The following SYT14 variants were observed in gnomAD, a reference collection of about 807,000 sequenced individuals.
The protein encoded by SYT14 is synaptotagmin-14.
In SYT14, 32 loss-of-function variants were observed where a neutral mutation model predicts 74.2. The ratio of observed to expected loss-of-function variants is 0.43; its 90% CI spans 0.33 to 0.58. SYT14 has a LOEUF of 0.58. Among genes scored for constraint, SYT14 ranks in the 20% least tolerant of loss-of-function variants. The probability of loss-of-function intolerance (pLI) is 0.05; values close to 1 mark genes in which losing one functional copy is unlikely to be tolerated. For synonymous variants in SYT14, 298 were observed against 337.7 expected (o/e 0.88, Z 1.29); for missense variants, 791 against 981.8 (o/e 0.81, Z 2.60).
intron 2 of SYT14, among the ~76,000 whole-genome samples, chr1:209,977,601 G>C (rs932687347): frequency 6.6e-6 from 1 of 152,154 alleles, no homozygotes; most frequent in Admixed American, 6.5e-5. Flanking sequence ...GCTTCCCTTT[G>C]TGGGTAACCC....
chr1:209,953,000 G>T, intron 2 of SYT14: 1 of 1,423,668 alleles, frequency 7.0e-7, no homozygotes, highest in South Asian at 1.2e-5. Flanking sequence ...CATATTGGTT[G>T]TTAGACATGG....
At chr1:210,161,047 T>C in exon 10 of SYT14, 3 of 1,613,270 alleles carry the variant, frequency 1.9e-6, no homozygotes, top group Non-Finnish European at 2.5e-6. Flanking sequence ...TCATGATGAA[T>C]AGAATAAGCA....
intron 5 of SYT14, among the ~76,000 whole-genome samples, chr1:210,038,552 G>A (rs953213410): frequency 6.6e-6 from 1 of 152,036 alleles, no homozygotes; most frequent in African/African-American, 2.4e-5. Flanking sequence ...TTATGATGGT[G>A]AGTATCAATC....
chr1:209,947,304 C>A (rs1239398542), intron 1 of SYT14, among the ~76,000 whole-genome samples: 1 of 152,104 alleles, frequency 6.6e-6, no homozygotes, highest in Non-Finnish European at 1.5e-5. Flanking sequence ...ATGGACCTGG[C>A]AAAGTAAATT....
At chr1:210,009,331 T>G (rs1427871777) in intron 2 of SYT14, among the ~76,000 whole-genome samples, 1 of 152,212 alleles carries the variant, frequency 6.6e-6, no homozygotes, top group Non-Finnish European at 1.5e-5. Context: ...TGAAGATTTT[T>G]AGTATTTTTA....
chr1:210,097,989 C>A (rs1325162701), intron 6 of SYT14, among the ~76,000 whole-genome samples: 1 of 152,028 alleles, frequency 6.6e-6, no homozygotes, highest in African/African-American at 2.4e-5. Context: ...CCAGCCTGGG[C>A]AACATAGACT....
chr1:209,991,293 A>T (rs2079680017), intron 2 of SYT14, among the ~76,000 whole-genome samples: 1 of 152,216 alleles, frequency 6.6e-6, no homozygotes, highest in Non-Finnish European at 1.5e-5. Context: ...GGCTATATAA[A>T]CTGAAAAGCT....
chr1:209,990,310 T>A (rs1054077524), intron 2 of SYT14, among the ~76,000 whole-genome samples: 3 of 151,908 alleles, frequency 2.0e-5, no homozygotes, highest in Non-Finnish European at 2.9e-5. Context: ...TGGCTAAGTT[T>A]AGAAAATTAG....
intron 7 of SYT14, among the ~76,000 whole-genome samples, chr1:210,139,861 A>G (rs1212683625): frequency 6.6e-6 from 1 of 152,004 alleles, no homozygotes; most frequent in African/African-American, 2.4e-5. Flanking sequence ...GATATACCAC[A>G]TTTTGTTCAT....
At chr1:209,952,755 A>C (rs1320012939) in exon 2 of SYT14, 1 of 1,609,602 alleles carries the variant, frequency 6.2e-7, no homozygotes, top group Non-Finnish European at 8.5e-7. Context: ...GTATTAGAAA[A>C]GGTAAGTCAT....
rs1018959109 is a variant in SYT14 at position 210,108,521 on chromosome 1, A to G, written c.2034+8060A>G. 2.6e-5 allele frequency among the ~76,000 whole-genome samples: 4 copies of G among 152,146 alleles called. No homozygotes were observed. The South Asian group carries it at 6.2e-4, about 24-fold the overall frequency. ...TTTTTCACCAAATCTGGCTATAACA[A>G]TAGGAAGAAAGAGAGAACAGTATTT... On this transcript the variant is annotated intron_variant, in intron 7 of 9. Coordinates refer to ENST00000637265, the Ensembl canonical transcript of SYT14.
intron 2 of SYT14, among the ~76,000 whole-genome samples, chr1:209,983,117 T>C (rs1156258528): frequency 2.0e-5 from 3 of 152,174 alleles, no homozygotes; most frequent in Non-Finnish European, 4.4e-5. Context: ...ATGTGTCTTT[T>C]GCAAATATTT....
chr1:210,031,655 G>T (rs1263131880), intron 5 of SYT14, among the ~76,000 whole-genome samples: 1 of 152,018 alleles, frequency 6.6e-6, no homozygotes, highest in Non-Finnish European at 1.5e-5. Context: ...TTAATGAATT[G>T]GTTTATTTCA....
intron 2 of SYT14, among the ~76,000 whole-genome samples, chr1:209,972,098 C>T (rs1294220942): frequency 6.6e-6 from 1 of 152,054 alleles, no homozygotes; most frequent in Non-Finnish European, 1.5e-5. Flanking sequence ...TCAGTTTCTT[C>T]TTGAGACGAT....
intron 1 of SYT14, among the ~76,000 whole-genome samples, chr1:209,942,033 C>T (rs2078738759): frequency 6.6e-6 from 1 of 152,076 alleles, no homozygotes; most frequent in Non-Finnish European, 1.5e-5. Context: ...CACATACAAC[C>T]ACTGTAGGCC....
At chr1:210,034,671 A>G (rs1442587480) in intron 5 of SYT14, among the ~76,000 whole-genome samples, 1 of 151,694 alleles carries the variant, frequency 6.6e-6, no homozygotes, top group Non-Finnish European at 1.5e-5. Flanking sequence ...TTCTATTATT[A>G]CACTCTCTGT....
At chr1:210,024,472 A>C (rs555733003) in intron 5 of SYT14, among the ~76,000 whole-genome samples, 1 of 152,310 alleles carries the variant, frequency 6.6e-6, no homozygotes, top group South Asian at 2.1e-4. Flanking sequence ...TTCCTCATGT[A>C]TGATGAGGAG....
intron 7 of SYT14, among the ~76,000 whole-genome samples, chr1:210,120,219 T>A (rs1324123955): frequency 6.6e-6 from 1 of 152,140 alleles, no homozygotes. Flanking sequence ...TTTTGTTATA[T>A]TTTGGAATTA....
chr1:210,160,322 G>A (rs2083347381), intron 9 of SYT14, among the ~76,000 whole-genome samples: 1 of 151,698 alleles, frequency 6.6e-6, no homozygotes, highest in South Asian at 2.1e-4. Context: ...ATGCTTTACA[G>A]TGTTGTGGCT....
Sources: gnomAD v4.1 joint callset for allele counts (sites outside exome capture counted in the v4.1 genomes callset) on GRCh38, gnomAD v4.1.1 for gene constraint, MANE v1.5 for transcripts, NCBI Gene and HGNC (gene_info 2026-07-23, HGNC 2026-07-21) for gene names.